ALG14: variants seen among roughly 807,000 people sequenced by gnomAD.
The protein encoded by ALG14 is ALG14 UDP-N-acetylglucosaminyltransferase subunit, also known as UDP-N-acetylglucosamine transferase subunit ALG14.
Under a neutral mutation model 22.8 loss-of-function variants are expected in ALG14, and 17 were observed. The observed-to-expected ratio is 0.75, with a 90% CI of 0.51 to 1.12. ALG14 has a LOEUF of 1.12. Ranked by LOEUF, ALG14 falls within the 50% of genes most tolerant of loss-of-function variation. ALG14 has a pLI of 0.00. For synonymous variants in ALG14, 89 were observed against 103.7 expected, an observed-to-expected ratio of 0.86 and a Z score of 0.86; for missense variants, 288 against 271.8, an observed-to-expected ratio of 1.06 and a Z score of -0.42.
chr1:95,063,150 T>C (rs1281941508), intron 2 of ALG14, among the ~76,000 whole-genome samples: 1 of 152,232 alleles, frequency 6.6e-6, no homozygotes, highest in Non-Finnish European at 1.5e-5. Flanking sequence ...TAACAGTTTT[T>C]TTCTTGTAAA....
Position 94,982,122 on chromosome 1 carries a change from T to G in ALG14, c.*954A>C, listed in dbSNP as rs1391147871. The G allele has an allele frequency of 7.6e-6, 1 of 132,094 alleles. No individual in the cohort carries two copies. Among genetic ancestry groups the G allele is most frequent in the African/African-American group, 3.2e-5 (1 of 31,564 alleles). 8.2% of individuals were successfully genotyped at this position (132,094 alleles called of 1,614,324 possible). On this transcript the variant is annotated 3_prime_UTR_variant, in exon 4 of 4. Coordinates refer to ENST00000370205, the MANE Select transcript of ALG14 (RefSeq NM_144988.4). ...CAGTCCCTACATCATTGAGTTTTGT[T>G]TTTTTTTTTTTTTTTTGAGACGAAG... is the stretch of plus-strand genomic sequence containing the variant.
intron 2 of ALG14, among the ~76,000 whole-genome samples, chr1:95,035,491 A>C (rs866090279): frequency 1.1e-4 from 17 of 152,324 alleles, no homozygotes; most frequent in African/African-American, 4.1e-4. Flanking sequence ...ACTGATGTAT[A>C]ATCAAATATA....
intron 3 of ALG14, among the ~76,000 whole-genome samples, chr1:95,006,908 A>G (rs1337795156): frequency 6.6e-6 from 1 of 152,142 alleles, no homozygotes; most frequent in Non-Finnish European, 1.5e-5. Context: ...TTTCCTCACC[A>G]TCTGGATCAT....
At chr1:95,064,165 T>A (rs139595767) in intron 2 of ALG14, among the ~76,000 whole-genome samples, 6,720 of 152,294 alleles carry the variant, frequency 0.044, 202 homozygotes, top group Non-Finnish European at 0.069. Context: ...GCTTATCAGC[T>A]TAAGAAGTTT....
intron 2 of ALG14, among the ~76,000 whole-genome samples, chr1:95,047,211 C>A (rs1674590206): frequency 6.6e-6 from 1 of 152,014 alleles, no homozygotes; most frequent in Non-Finnish European, 1.5e-5. Flanking sequence ...ATAATTCATA[C>A]TTTGTTATAT....
At chr1:94,993,854 T>C (rs2100724470) in intron 3 of ALG14, among the ~76,000 whole-genome samples, 1 of 152,276 alleles carries the variant, frequency 6.6e-6, no homozygotes, top group East Asian at 1.9e-4. Flanking sequence ...GATGCACAGC[T>C]TTGGTTTCAG....
intron 2 of ALG14, among the ~76,000 whole-genome samples, chr1:95,033,109 T>C (rs1205426219): frequency 6.6e-6 from 1 of 152,074 alleles, no homozygotes; most frequent in African/African-American, 2.4e-5. Context: ...ACGTTGTTTT[T>C]GTTAGTCTGT....
intron 3 of ALG14, among the ~76,000 whole-genome samples, chr1:95,016,111 T>G (rs1432487181): frequency 6.6e-6 from 1 of 152,134 alleles, no homozygotes; most frequent in East Asian, 1.9e-4. Flanking sequence ...AATGGTAGAG[T>G]GGCAGACCTA....
At chr1:95,043,926 G>T (rs1337472891) in intron 2 of ALG14, among the ~76,000 whole-genome samples, 3 of 152,082 alleles carry the variant, frequency 2.0e-5, no homozygotes, top group Non-Finnish European at 4.4e-5. Flanking sequence ...TTTAGGAAAC[G>T]GTTTTGAATC....
intron 2 of ALG14, among the ~76,000 whole-genome samples, chr1:95,053,347 G>C (rs1319975186): frequency 2.6e-5 from 4 of 151,710 alleles, no homozygotes; most frequent in Non-Finnish European, 4.4e-5. Context: ...TCACTACATA[G>C]AATCAAATTT....
chr1:95,010,335 C>T (rs572277191), intron 3 of ALG14, among the ~76,000 whole-genome samples: 1 of 152,318 alleles, frequency 6.6e-6, no homozygotes, highest in Admixed American at 6.5e-5. Flanking sequence ...TCTGACAGTA[C>T]ATCCAATGGA....
At chr1:95,038,716 G>GTTTTT (rs71097229) in intron 2 of ALG14, among the ~76,000 whole-genome samples, 3 of 121,484 alleles carry the variant, frequency 2.5e-5, no homozygotes, top group Admixed American at 8.6e-5. Flanking sequence ...AAACTATAAG[G>GTTTTT]TTTTTTTTTT....
At position 94,978,790 on chromosome 1, in the gene ALG14, T is replaced by C. The variant is rs1449089719; in HGVS notation, c.*4286A>G. The C allele has an allele frequency of 2.6e-5, 4 of 151,668 alleles. No homozygotes were observed. The highest frequency in any genetic ancestry group is 7.3e-5 in the African/African-American group (3 of 41,170). The allele number at this position is 151,668 out of a possible 1,614,324, so 9.4% of individuals were successfully genotyped here. A position where few individuals can be genotyped will look rare whatever the true frequency, so the allele number is the denominator to read the frequency against. ...ACACCAACTACCTTCTACTCCGTCA[T>C]AGTACCCTGTTACCCCATTTATTTC... is the stretch of plus-strand genomic sequence containing the variant. On this transcript the variant is annotated 3_prime_UTR_variant, in exon 4 of 4. Transcript: ENST00000370205.
chr1:94,982,377 T>TAC lies in ALG14; in HGVS notation c.*698_*699insGT, dbSNP rs1672515983. 1 of 151,810 alleles carries TAC rather than the reference T, an allele frequency of 6.6e-6. No homozygotes were observed. The highest frequency in any genetic ancestry group is 1.5e-5 in the Non-Finnish European group (1 of 67,990). 9.4% of individuals were successfully genotyped at this position (151,810 alleles called of 1,614,324 possible). ...CTGACCTCCAGTGATCCACCCGCCT[T>TAC]AGCCTCCCAAGGTGCTGGGATTACA... is the stretch of plus-strand genomic sequence containing the variant. On this transcript the variant is annotated 3_prime_UTR_variant, in exon 4 of 4. Transcript: ENST00000370205.
intron 3 of ALG14, among the ~76,000 whole-genome samples, chr1:95,025,104 G>A (rs1032052784): frequency 1.3e-5 from 2 of 152,182 alleles, no homozygotes; most frequent in Non-Finnish European, 2.9e-5. Flanking sequence ...TTTATGGGCT[G>A]CAGAATAGAT....
intron 3 of ALG14, 28 bp downstream of exon 3, chr1:95,027,099 TTC>T: frequency 6.2e-7 from 1 of 1,611,908 alleles, no homozygotes; most frequent in Non-Finnish European, 8.5e-7. Flanking sequence ...GGGAGTTACT[TTC>T]TCTCTCCTTA....
chr1:95,020,503 C>A (rs1245948117), intron 3 of ALG14, among the ~76,000 whole-genome samples: 1 of 151,592 alleles, frequency 6.6e-6, no homozygotes, highest in Non-Finnish European at 1.5e-5. Context: ...CTTTGGGAGG[C>A]CGAGGCGGGC....
At chr1:95,065,374 A>C (rs12405657) in intron 1 of ALG14, among the ~76,000 whole-genome samples, 5 of 152,166 alleles carry the variant, frequency 3.3e-5, no homozygotes, top group Admixed American at 3.3e-4. Flanking sequence ...AAAAACTAAA[A>C]TGTGAAGGGT....
chr1:95,001,872 G>A (rs531601386), intron 3 of ALG14, among the ~76,000 whole-genome samples: 43 of 152,282 alleles, frequency 2.8e-4, no homozygotes, highest in Non-Finnish European at 6.0e-4. Flanking sequence ...CTTCCTAAAA[G>A]CCAAATACAA....
Sources: allele counts gnomAD v4.1 joint callset (sites outside exome capture counted in the v4.1 genomes callset), GRCh38; gene constraint gnomAD v4.1.1; transcripts MANE v1.5; gene names NCBI Gene and HGNC (gene_info 2026-07-23, HGNC 2026-07-21).